The following EXOSC10 variants were observed in gnomAD, a reference collection of about 807,000 sequenced individuals.
EXOSC10 encodes the protein exosome component 10.
Under a neutral mutation model 126.6 loss-of-function variants are expected in EXOSC10, and 94 were observed. That is an observed-to-expected ratio of 0.74 (90% CI 0.63 to 0.88). The LOEUF (loss-of-function observed/expected upper bound fraction) is 0.88, where lower values mean the gene tolerates loss of function less well. EXOSC10 is among the 40% of genes least tolerant of loss of function. EXOSC10 has a pLI of 0.00. For missense variants in EXOSC10, 1,041 were observed against 1,100.5 expected, an observed-to-expected ratio of 0.95 and a Z score of 0.77; for synonymous variants, 395 against 400.8, an observed-to-expected ratio of 0.99 and a Z score of 0.17.
intron 3 of EXOSC10, among the ~76,000 whole-genome samples, chr1:11,092,815 G>A (rs1246391623): frequency 4.6e-5 from 7 of 152,234 alleles, no homozygotes; most frequent in South Asian, 2.1e-4. Flanking sequence ...TACTGTGCCC[G>A]GCCACAACCT....
At chr1:11,091,285 T>A in intron 4 of EXOSC10, 106 bp from the exon 5 acceptor site, 1 of 1,151,890 alleles carries the variant, frequency 8.7e-7, no homozygotes, top group Non-Finnish European at 1.2e-6. Flanking sequence ...GCAAAGGTCA[T>A]TCATTCATTT....
At chr1:11,077,558 G>A (rs1303825450) in intron 15 of EXOSC10, 43 bp downstream of exon 15, 1 of 1,612,286 alleles carries the variant, frequency 6.2e-7, no homozygotes, top group East Asian at 2.2e-5. Flanking sequence ...GCTGTGACTT[G>A]ACGTTTTCCC....
In EXOSC10 at chr1:11,076,834, C is replaced by A; in HGVS notation, c.1986+8G>T. ...TCATCACCTCAGTGAAGTTTCTGTG[C>A]TACTCACATTAAATAACGTGATGAC... On this transcript the variant is annotated splice_region_variant and intron_variant, in intron 17 of 24. Transcript: ENST00000376936. 1 of 1,600,256 alleles carries A rather than the reference C, an allele frequency of 6.2e-7. No homozygotes were observed.
chr1:11,068,468 CT>C (rs1357826094), intron 23 of EXOSC10, 176 bp downstream of exon 23: 8 of 619,674 alleles, frequency 1.3e-5, no homozygotes, highest in Non-Finnish European at 2.0e-5. Context: ...CTTTTACAGC[CT>C]CGTTTTATGA....
chr1:11,096,471 CT>C (rs70977546), intron 2 of EXOSC10, among the ~76,000 whole-genome samples: 64,733 of 118,758 alleles, frequency 0.55, 20,541 homozygotes, highest in Non-Finnish European at 0.7. Context: ...TTCTTTCTTT[CT>C]TTTTTTTTTT....
chr1:11,098,207 T>G, intron 1 of EXOSC10, 51 bp from the exon 2 acceptor site: 2 of 1,550,008 alleles, frequency 1.3e-6, no homozygotes, highest in Admixed American at 2.2e-5. Flanking sequence ...CCCCATTCAT[T>G]TGGTATGTCA....
At chr1:11,076,791 G>A (rs753818672) in intron 17 of EXOSC10, 51 bp downstream of exon 17, 2 of 1,383,200 alleles carry the variant, frequency 1.4e-6, no homozygotes, top group South Asian at 2.3e-5. Flanking sequence ...AATAAATCCA[G>A]TAAATCCCAG....
At chr1:11,093,908 G>A (rs774339948) in intron 3 of EXOSC10, among the ~76,000 whole-genome samples, 2 of 151,896 alleles carry the variant, frequency 1.3e-5, no homozygotes, top group Non-Finnish European at 2.9e-5. Flanking sequence ...GCAAGACATT[G>A]TCTCTATAAA....
At chr1:11,076,210 C>A (rs1211834943) in intron 17 of EXOSC10, among the ~76,000 whole-genome samples, 1 of 150,856 alleles carries the variant, frequency 6.6e-6, no homozygotes, top group Non-Finnish European at 1.5e-5. Flanking sequence ...TAGCTGGGCA[C>A]AGTGACTCAT....
intron 3 of EXOSC10, among the ~76,000 whole-genome samples, chr1:11,092,192 A>G (rs1640842506): frequency 6.6e-6 from 1 of 152,228 alleles, no homozygotes; most frequent in Admixed American, 6.5e-5. Flanking sequence ...AGTAGAATCC[A>G]TATTTCAAGT....
Position 11,091,514 on chromosome 1 carries a change from T to C in EXOSC10, c.456A>G (p.Val152=). ...LPAGLQVPKT[V]VSSWNRKAAE... The stretch of plus-strand genomic sequence containing the variant: ...TCACCTTACGGTTCCAGCTGGACAC[T>C]ACCGTTTTGGGGACCTGCAAGCCGG... The change falls in exon 4 of 25, where the codon GTA becomes GTG. Residue 152 remains valine (V), a synonymous_variant. Coordinates refer to ENST00000376936, the MANE Select transcript of EXOSC10 (RefSeq NM_001001998.3). The C allele has an allele frequency of 6.2e-7, 1 of 1,614,084 alleles. No homozygotes were observed. The highest frequency in any genetic ancestry group is 1.3e-5 in the African/African-American group (1 of 75,040).
intron 1 of EXOSC10, 104 bp from the exon 2 acceptor site, chr1:11,098,260 T>A (rs1641226617): frequency 8.1e-6 from 11 of 1,365,980 alleles, no homozygotes; most frequent in Non-Finnish European, 1.1e-5. Flanking sequence ...TCTTCATCCA[T>A]CAAAAAAAGC....
chr1:11,072,048 C>G (rs1639530483), intron 20 of EXOSC10, 39 bp downstream of exon 20: 2 of 1,550,650 alleles, frequency 1.3e-6, no homozygotes, highest in African/African-American at 2.7e-5. Context: ...AACAGCCATT[C>G]TTTAACAGCC....
In EXOSC10 at chr1:11,087,461, G is replaced by A. The variant is rs1557711276; in HGVS notation, c.1076C>T (p.Pro359Leu). 1.2e-6 allele frequency: 2 copies of A among 1,613,992 alleles called. No homozygotes were observed. The highest frequency in any genetic ancestry group is 8.5e-7 in the Non-Finnish European group (1 of 1,180,016). ...AGGCTGGCTGACCTTAACGATGGCT[G>A]GGTCTGTGAGGCTCTCATTGAGAAT... ...MYILNESLTD[P>L]AIVKVFHGAD... The change falls in exon 9 of 25, where the codon CCA (proline) becomes CTA (leucine). Residue 359 changes from proline (P) to leucine (L), a missense_variant. By Grantham distance (98) the Pro-to-Leu change is moderately conservative. Around this residue, in one of 3 missense-constraint regions of EXOSC10, gnomAD observed 645 missense variants for 656.3 expected, o/e 0.98. Coordinates refer to ENST00000376936, the MANE Select transcript of EXOSC10 (RefSeq NM_001001998.3).
intron 14 of EXOSC10, among the ~76,000 whole-genome samples, chr1:11,078,536 C>T (rs1157320249): frequency 3.3e-5 from 5 of 152,046 alleles, no homozygotes; most frequent in African/African-American, 1.2e-4. Flanking sequence ...GGATTACAGG[C>T]GTGAGCCACC....
intron 9 of EXOSC10, among the ~76,000 whole-genome samples, chr1:11,083,400 A>G (rs1431501512): frequency 6.6e-6 from 1 of 152,020 alleles, no homozygotes; most frequent in Admixed American, 6.6e-5. Context: ...TGTCTCTACT[A>G]AAAATACAAA....
intron 19 of EXOSC10, among the ~76,000 whole-genome samples, chr1:11,073,469 T>C (rs975671753): frequency 2.0e-5 from 3 of 152,204 alleles, no homozygotes; most frequent in Admixed American, 1.3e-4. Context: ...TTCTGGACCC[T>C]TTCCCTAGAA....
At chr1:11,071,939 G>T in intron 20 of EXOSC10, 148 bp downstream of exon 20, 1 of 639,686 alleles carries the variant, frequency 1.6e-6, no homozygotes, top group Admixed American at 2.9e-5. Flanking sequence ...CATCTGCCAG[G>T]ATAGATACTG....
In EXOSC10 at chr1:11,087,551, A is replaced by C; in HGVS notation, c.986T>G (p.Met329Arg). 1.2e-6 allele frequency: 2 copies of C among 1,614,156 alleles called. No individual in the cohort carries two copies. The highest frequency in any genetic ancestry group is 1.1e-5 in the South Asian group (1 of 91,086). The change falls in exon 9 of 25, where the codon ATG becomes AGG. Residue 329 changes from methionine to arginine, a missense_variant. Coordinates refer to ENST00000376936, the MANE Select transcript of EXOSC10 (RefSeq NM_001001998.3). ...GTCTTCCGTCCGAGTAGAAATTTGC[A>C]TCAGGCAGGTCAGTCCCAGGAAGCT... Reference protein sequence around the residue: ...YRSFLGLTCLMQISTRTEDFI... With the variant: ...YRSFLGLTCLRQISTRTEDFI...
Sources: gnomAD v4.1 joint callset for allele counts (sites outside exome capture counted in the v4.1 genomes callset) on GRCh38, gnomAD v4.1.1 for gene constraint, gnomAD v4.1.1 regional missense constraint, MANE v1.5 for transcripts, NCBI Gene and HGNC (gene_info 2026-07-23, HGNC 2026-07-21) for gene names.